CIT: variants seen among roughly 807,000 people sequenced by gnomAD.
CIT encodes citron Rho-interacting kinase.
CIT carries 79 observed loss-of-function variants against 272.7 expected under a neutral mutation model. The observed-to-expected ratio is 0.29, with a 90% CI of 0.24 to 0.35. The LOEUF is 0.35. Among genes scored for constraint, CIT ranks in the 10% least tolerant of loss-of-function variants. The pLI is 1.00. For synonymous variants in CIT, 948 were observed against 995.6 expected, an observed-to-expected ratio of 0.95 and a Z score of 0.90; for missense variants, 1,909 against 2,618.3, an observed-to-expected ratio of 0.73 and a Z score of 5.91.
intron 20 of CIT, among the ~76,000 whole-genome samples, chr12:119,760,069 T>C (rs278139): frequency 0.77 from 116,941 of 151,524 alleles, 45,443 homozygotes; most frequent in Middle Eastern, 0.88. Flanking sequence ...TGCCTTTAAT[T>C]CCAGCTACTC....
At chr12:119,788,306 T>C (rs1964989942) in intron 10 of CIT, among the ~76,000 whole-genome samples, 1 of 152,208 alleles carries the variant, frequency 6.6e-6, no homozygotes, top group South Asian at 2.1e-4. Flanking sequence ...GCAAAATTCC[T>C]TTGCTATTTC....
At chr12:119,794,215 C>T (rs1272288162) in intron 10 of CIT, among the ~76,000 whole-genome samples, 2 of 152,160 alleles carry the variant, frequency 1.3e-5, no homozygotes, top group Admixed American at 1.3e-4. Context: ...GAGTAAAGAC[C>T]TTACCTGTCT....
At chr12:119,844,359 G>A (rs1442559958) in intron 5 of CIT, among the ~76,000 whole-genome samples, 1 of 152,014 alleles carries the variant, frequency 6.6e-6, no homozygotes, top group East Asian at 1.9e-4. Flanking sequence ...CCTCAGTAGG[G>A]TCTGGGACAT....
intron 9 of CIT, among the ~76,000 whole-genome samples, chr12:119,817,715 A>C (rs1967324634): frequency 6.6e-6 from 1 of 152,214 alleles, no homozygotes; most frequent in Non-Finnish European, 1.5e-5. Context: ...CAGCACCAGC[A>C]CCTGACATTG....
In CIT at chr12:119,752,115, G is replaced by C; in HGVS notation, c.2839C>G (p.Arg947Gly). ...AARAALESQL[R>G]QAKTELEETT... ...TCTTCCAGCTCTGTCTTCGCCTGGC[G>C]AAGCTGGCTCTCCAGGGCCGCCCGT... The change falls in exon 23 of 48, where the codon CGC (arginine) becomes GGC (glycine). Residue 947 changes from arginine (R) to glycine (G), a missense_variant. Arg to Gly is a moderately radical substitution (Grantham distance 125). Around this residue, in one of 8 missense-constraint regions of CIT, gnomAD observed 530 missense variants for 822.4 expected, o/e 0.64. Transcript: ENST00000392521. 1 of 1,612,844 alleles carries C rather than the reference G, an allele frequency of 6.2e-7. No homozygotes were observed. Among genetic ancestry groups the C allele is most frequent in the Non-Finnish European group, 8.5e-7 (1 of 1,180,018 alleles).
rs113188451 is a variant in CIT, at chr12:119,853,438, G to GT, written c.415-3164dup. Among the ~76,000 whole-genome samples, 43 of 151,402 alleles carry GT rather than the reference G, an allele frequency of 2.8e-4. No individual in the cohort carries two copies. The East Asian group carries it at 5.4e-3, about 19-fold the overall frequency. On this transcript the variant is annotated intron_variant, in intron 4 of 47. Coordinates refer to ENST00000392521, the MANE Select transcript of CIT (RefSeq NM_001206999.2). ...AGGGGATTTGTTTATTTGTTTGTTT[G>GT]TTTGTTTTGTTTTGTTTTGTTTTAG...
chr12:119,730,668 C>T lies in CIT; in HGVS notation c.3351-38G>A, dbSNP rs374602757. 799 of 1,600,302 alleles carry T rather than the reference C, an allele frequency of 5.0e-4. 1 individual carries two copies. Among genetic ancestry groups the T allele is most frequent in the Non-Finnish European group, 6.0e-4 (701 of 1,171,402 alleles). ...CACAGGTCAGCTTTTGGTAGCCCCC[C>T]AACAGCTGACCTGCGGAAAGAAGGC... On this transcript the variant is annotated intron_variant, in intron 26 of 47. Transcript: ENST00000392521.
At chr12:119,726,378 T>C (rs2936832) in intron 28 of CIT, among the ~76,000 whole-genome samples, 58,391 of 132,782 alleles carry the variant, frequency 0.44, 14,656 homozygotes, top group Admixed American at 0.56. Flanking sequence ...ACCACCACAC[T>C]TGGCTAATTT....
Position 119,757,357 on chromosome 12 carries a change from C to T in CIT, c.2706+14G>A, listed in dbSNP as rs535224268. 781 of 1,613,288 alleles carry T rather than the reference C, an allele frequency of 4.8e-4. 8 individuals are homozygous for T. The South Asian group carries it at 8.0e-3, about 17-fold the overall frequency. Reference sequence around the variant, plus strand: ...CCCAGCAAATCCTCCCAGGAGATGACTCCTCGCTCTCACCTCCCGCAATCT... The same window carrying T: ...CCCAGCAAATCCTCCCAGGAGATGATTCCTCGCTCTCACCTCCCGCAATCT... On this transcript the variant is annotated intron_variant, in intron 22 of 47. Coordinates refer to ENST00000392521, the MANE Select transcript of CIT (RefSeq NM_001206999.2).
chr12:119,723,396 T>TAAAAA (rs1565942859), intron 28 of CIT, among the ~76,000 whole-genome samples: 2 of 133,868 alleles, frequency 1.5e-5, no homozygotes, highest in African/African-American at 6.0e-5. Flanking sequence ...TCCCTATACA[T>TAAAAA]TAAAAAAAAA....
chr12:119,691,775 T>C (rs182396166), intron 46 of CIT, among the ~76,000 whole-genome samples: 44 of 152,286 alleles, frequency 2.9e-4, no homozygotes, highest in African/African-American at 9.1e-4. Context: ...CAGAGAGAAC[T>C]GAAATGTGGC....
At chr12:119,763,579 A>C (rs1383094381) in intron 19 of CIT, among the ~76,000 whole-genome samples, 1 of 152,184 alleles carries the variant, frequency 6.6e-6, no homozygotes, top group African/African-American at 2.4e-5. Context: ...CAGCGGTAAA[A>C]GATGCCAGGG....
chr12:119,808,885 T>C (rs536984438), intron 9 of CIT, among the ~76,000 whole-genome samples: 2 of 152,326 alleles, frequency 1.3e-5, no homozygotes, highest in South Asian at 2.1e-4. Flanking sequence ...TACTTATCAA[T>C]GTTATGAAGA....
intron 2 of CIT, among the ~76,000 whole-genome samples, chr12:119,872,628 A>G (rs780571086): frequency 6.6e-6 from 1 of 152,226 alleles, no homozygotes; most frequent in Non-Finnish European, 1.5e-5. Flanking sequence ...GATATACTTA[A>G]TAAATTCTGA....
At chr12:119,745,699 T>C (rs1054076161) in intron 23 of CIT, among the ~76,000 whole-genome samples, 11 of 152,234 alleles carry the variant, frequency 7.2e-5, no homozygotes, top group African/African-American at 2.4e-4. Context: ...AGATAAATGT[T>C]TGAGGTGATG....
At position 119,706,464 on chromosome 12, in the gene CIT, AGT is replaced by A. The variant is rs1344820679; in HGVS notation, c.5211+1713_5211+1714del. The stretch of plus-strand genomic sequence containing the variant: ...CACCCTCCACCCTCTGACGGGCCCC[AGT>A]GTGTGTGTTCCCCTCTATGTGTCCA... On this transcript the variant is annotated intron_variant, in intron 40 of 47. Coordinates refer to ENST00000392521, the MANE Select transcript of CIT (RefSeq NM_001206999.2). Among the ~76,000 whole-genome samples, 3 of 150,506 alleles carry A rather than the reference AGT, an allele frequency of 2.0e-5. No homozygotes were observed. In the East Asian group the frequency reaches 5.9e-4, roughly 29 times the overall value.
At chr12:119,810,134 G>A (rs535569886) in intron 9 of CIT, among the ~76,000 whole-genome samples, 5 of 152,328 alleles carry the variant, frequency 3.3e-5, no homozygotes, top group Admixed American at 1.3e-4. Flanking sequence ...GCCAGTCAGC[G>A]AGAAGTTCCA....
intron 9 of CIT, 28 bp from the exon 10 acceptor site, chr12:119,803,417 C>A (rs201585619): frequency 9.8e-5 from 147 of 1,497,216 alleles, no homozygotes; most frequent in Non-Finnish European, 1.2e-4. Flanking sequence ...AGAAAGGAGG[C>A]GGGGAGGAAA....
At chr12:119,716,519 CA>C (rs895487220) in intron 32 of CIT, among the ~76,000 whole-genome samples, 25 of 151,044 alleles carry the variant, frequency 1.7e-4, no homozygotes, top group African/African-American at 5.6e-4. Flanking sequence ...GGTTTACAAC[CA>C]AAACAGGTTT....
Sources: allele counts gnomAD v4.1 joint callset (sites outside exome capture counted in the v4.1 genomes callset), GRCh38; gene constraint gnomAD v4.1.1; regional missense constraint gnomAD v4.1.1; transcripts MANE v1.5; gene names NCBI Gene and HGNC (gene_info 2026-07-23, HGNC 2026-07-21).